The following MARCHF1 variants were observed in gnomAD, a reference collection of about 807,000 sequenced individuals.
The protein encoded by MARCHF1 is E3 ubiquitin-protein ligase MARCHF1.
MARCHF1 carries 40 observed loss-of-function variants against 54.2 expected under a neutral mutation model. The ratio of observed to expected loss-of-function variants is 0.74; its 90% CI spans 0.57 to 0.96. The LOEUF (loss-of-function observed/expected upper bound fraction) is 0.96, where lower values mean the gene tolerates loss of function less well. Among genes scored for constraint, MARCHF1 ranks in the 40% least tolerant of loss-of-function variants. The probability of loss-of-function intolerance (pLI) is 0.00; values close to 1 mark genes in which losing one functional copy is unlikely to be tolerated. For missense variants in MARCHF1, 586 were observed against 656.5 expected, an observed-to-expected ratio of 0.89 and a Z score of 1.17; for synonymous variants, 236 against 236.3, an observed-to-expected ratio of 1.00 and a Z score of 0.01.
chr4:163,796,586 A>T (rs950256966), intron 4 of MARCHF1, among the ~76,000 whole-genome samples: 4 of 152,046 alleles, frequency 2.6e-5, no homozygotes, highest in African/African-American at 9.7e-5. Flanking sequence ...GCACAACACT[A>T]TATTTATTTT....
intron 3 of MARCHF1, among the ~76,000 whole-genome samples, chr4:163,857,422 G>T (rs192584816): frequency 2.4e-4 from 37 of 152,100 alleles, no homozygotes; most frequent in Non-Finnish European, 4.1e-4. Flanking sequence ...AGAAGGGTAG[G>T]CAAATTATAA....
At chr4:163,921,714 T>C (rs549253902) in intron 3 of MARCHF1, among the ~76,000 whole-genome samples, 74 of 152,274 alleles carry the variant, frequency 4.9e-4, no homozygotes, top group African/African-American at 1.7e-3. Context: ...ATTAGAACTG[T>C]TTAATTATCA....
intron 3 of MARCHF1, among the ~76,000 whole-genome samples, chr4:163,871,549 T>A (rs1294575659): frequency 6.6e-6 from 1 of 152,072 alleles, no homozygotes; most frequent in African/African-American, 2.4e-5. Flanking sequence ...ATAAAAAGCA[T>A]AGAAAAGTGA....
intron 9 of MARCHF1, among the ~76,000 whole-genome samples, chr4:163,539,493 C>G (rs17473073): frequency 6.6e-6 from 1 of 152,300 alleles, no homozygotes; most frequent in Admixed American, 6.5e-5. Flanking sequence ...GTGATTTGAA[C>G]GCTACACACC....
chr4:164,025,642 C>T (rs886378247), intron 2 of MARCHF1, among the ~76,000 whole-genome samples: 4 of 151,336 alleles, frequency 2.6e-5, no homozygotes, highest in African/African-American at 7.3e-5. Context: ...AATTAACAAT[C>T]TAACTTTGCA....
rs780762589 is a variant in MARCHF1, at chr4:163,973,469, T to C, written c.-39+15032A>G. 3.3e-5 allele frequency among the ~76,000 whole-genome samples: 5 copies of C among 152,196 alleles called. No homozygotes were observed. In the South Asian group the frequency reaches 6.2e-4, roughly 19 times the overall value. ...TTTTCAAGAAAAGCAAAAGGGCAAA[T>C]GCTAATTCACAAGTATTTTTCAAGG... On this transcript the variant is annotated intron_variant, in intron 3 of 9. Transcript: ENST00000514618.
chr4:163,679,130 G>C (rs1744013337), intron 5 of MARCHF1, among the ~76,000 whole-genome samples: 1 of 152,210 alleles, frequency 6.6e-6, no homozygotes, highest in Non-Finnish European at 1.5e-5. Flanking sequence ...TCCGTTGAAA[G>C]AGGAGAGGTT....
At chr4:163,629,542 C>A (rs142446554) in intron 5 of MARCHF1, among the ~76,000 whole-genome samples, 3 of 152,034 alleles carry the variant, frequency 2.0e-5, no homozygotes, top group Non-Finnish European at 4.4e-5. Flanking sequence ...GTAACACAAG[C>A]GAAAATTGAC....
At chr4:163,861,333 A>G (rs35361090) in intron 3 of MARCHF1, among the ~76,000 whole-genome samples, 30,471 of 152,048 alleles carry the variant, frequency 0.2, 3,701 homozygotes, top group South Asian at 0.32. Flanking sequence ...AATTTGTAAC[A>G]TATGTACAAC....
At chr4:164,355,047 C>T (rs1730479008) in intron 1 of MARCHF1, among the ~76,000 whole-genome samples, 1 of 116,256 alleles carries the variant, frequency 8.6e-6, no homozygotes, top group Non-Finnish European at 1.8e-5. Context: ...CCTAGGAATC[C>T]AACTTACAAG....
intron 1 of MARCHF1, among the ~76,000 whole-genome samples, chr4:164,230,991 C>T (rs1230434255): frequency 6.6e-6 from 1 of 152,054 alleles, no homozygotes; most frequent in Admixed American, 6.6e-5. Context: ...AAAAATAGAA[C>T]ACAAATGCTC....
At chr4:164,227,387 C>A (rs1170504894) in intron 1 of MARCHF1, among the ~76,000 whole-genome samples, 1 of 152,074 alleles carries the variant, frequency 6.6e-6, no homozygotes, top group Non-Finnish European at 1.5e-5. Flanking sequence ...ACATGGGGAT[C>A]ATAGGGATCA....
chr4:163,815,338 G>A (rs1303128399), intron 4 of MARCHF1, among the ~76,000 whole-genome samples: 1 of 152,130 alleles, frequency 6.6e-6, no homozygotes, highest in Non-Finnish European at 1.5e-5. Flanking sequence ...CAAGAAAATT[G>A]CCAAATAAAG....
chr4:163,643,708 A>G (rs1300200107), intron 5 of MARCHF1, among the ~76,000 whole-genome samples: 2 of 152,156 alleles, frequency 1.3e-5, no homozygotes, highest in African/African-American at 2.4e-5. Context: ...TTCCTAGGGG[A>G]TGTTTTGAAT....
At chr4:163,809,962 TC>T (rs1391262517) in intron 4 of MARCHF1, among the ~76,000 whole-genome samples, 1 of 152,164 alleles carries the variant, frequency 6.6e-6, no homozygotes, top group African/African-American at 2.4e-5. Context: ...CTTAGAATTT[TC>T]TTTGGTACTG....
At chr4:163,839,264 G>A (rs538227977) in intron 4 of MARCHF1, among the ~76,000 whole-genome samples, 4 of 151,652 alleles carry the variant, frequency 2.6e-5, no homozygotes, top group Non-Finnish European at 4.4e-5. Flanking sequence ...TACATTCCTC[G>A]TGGAAATTTA....
At chr4:163,998,212 T>C (rs1753117165) in intron 2 of MARCHF1, among the ~76,000 whole-genome samples, 1 of 151,456 alleles carries the variant, frequency 6.6e-6, no homozygotes, top group Non-Finnish European at 1.5e-5. Context: ...TTATATCATT[T>C]TTATAGACTA....
At chr4:163,844,746 A>T (rs1008495551) in intron 4 of MARCHF1, among the ~76,000 whole-genome samples, 11 of 152,176 alleles carry the variant, frequency 7.2e-5, no homozygotes, top group Non-Finnish European at 1.5e-4. Context: ...ACAGACAGCT[A>T]TGGAGCCCAA....
At chr4:164,381,472 A>G (rs1731368903) in intron 1 of MARCHF1, among the ~76,000 whole-genome samples, 1 of 152,234 alleles carries the variant, frequency 6.6e-6, no homozygotes, top group Non-Finnish European at 1.5e-5. Flanking sequence ...AAATAAAATT[A>G]AAGATTTCAT....
Sources: allele counts gnomAD v4.1 joint callset (sites outside exome capture counted in the v4.1 genomes callset), GRCh38; gene constraint gnomAD v4.1.1; transcripts MANE v1.5; gene names NCBI Gene and HGNC (gene_info 2026-07-23, HGNC 2026-07-21).